Variants in NBEA observed in about 807,000 individuals in gnomAD.
The protein encoded by NBEA is neurobeachin.
A neutral mutation model predicts 343.4 loss-of-function variants in NBEA; 44 were observed. That is an observed-to-expected ratio of 0.13 (90% confidence interval 0.10 to 0.16). The LOEUF is 0.16. Among genes scored for constraint, NBEA ranks in the 10% least tolerant of loss-of-function variants. NBEA has a pLI of 1.00. For missense variants in NBEA, 2,555 were observed against 3,631.3 expected, an observed-to-expected ratio of 0.70 and a Z score of 7.62; for synonymous variants, 1,175 against 1,238.7, an observed-to-expected ratio of 0.95 and a Z score of 1.08.
chr13:35,191,595 G>A (rs1394448078), intron 30 of NBEA, among the ~76,000 whole-genome samples: 5 of 151,754 alleles, frequency 3.3e-5, no homozygotes, highest in Non-Finnish European at 7.4e-5. Flanking sequence ...CCTCTTTGGA[G>A]TTAAGATATT....
chr13:35,302,677 A>G (rs1186803886), intron 35 of NBEA, among the ~76,000 whole-genome samples: 1 of 152,206 alleles, frequency 6.6e-6, no homozygotes, highest in East Asian at 1.9e-4. Flanking sequence ...TATAAAATTT[A>G]AACATTTTTA....
At chr13:35,420,154 A>T (rs554570402) in intron 38 of NBEA, among the ~76,000 whole-genome samples, 1 of 151,916 alleles carries the variant, frequency 6.6e-6, no homozygotes, top group Admixed American at 6.6e-5. Flanking sequence ...AAATTTCAGT[A>T]CTCTGTTGAG....
chr13:35,403,508 G>A (rs184439062), intron 38 of NBEA, among the ~76,000 whole-genome samples: 4,488 of 152,094 alleles, frequency 0.03, 102 homozygotes, highest in Non-Finnish European at 0.045. Context: ...ATGGGGAAAG[G>A]ATTCCCTATT....
chr13:35,411,149 T>TTA, intron 38 of NBEA, among the ~76,000 whole-genome samples: 1 of 152,302 alleles, frequency 6.6e-6, no homozygotes, highest in East Asian at 1.9e-4. Flanking sequence ...TTATCTCCTG[T>TTA]TACAGTTGTT....
intron 33 of NBEA, among the ~76,000 whole-genome samples, chr13:35,221,157 T>G (rs1012750317): frequency 4.6e-5 from 7 of 151,964 alleles, no homozygotes; most frequent in Admixed American, 4.6e-4. Context: ...CAGCCTGACC[T>G]TCATAGTGAA....
At chr13:35,206,461 G>A (rs899434755) in intron 31 of NBEA, among the ~76,000 whole-genome samples, 4 of 151,996 alleles carry the variant, frequency 2.6e-5, no homozygotes, top group African/African-American at 4.8e-5. Context: ...TCTTCAAATC[G>A]ACAGTTGATG....
chr13:35,177,619 T>C (rs2071001244), intron 28 of NBEA, among the ~76,000 whole-genome samples: 1 of 151,844 alleles, frequency 6.6e-6, no homozygotes, highest in Non-Finnish European at 1.5e-5. Flanking sequence ...AGAGGTTTCA[T>C]GGAACCCTCC....
At chr13:35,117,559 TA>T in intron 14 of NBEA, 66 bp downstream of exon 14, 1 of 736,136 alleles carries the variant, frequency 1.4e-6, no homozygotes, top group South Asian at 4.7e-5. Context: ...TGGCATGTTT[TA>T]AAATTATTAA....
chr13:34,961,597 T>C (rs1265697833), intron 1 of NBEA, among the ~76,000 whole-genome samples: 1 of 152,076 alleles, frequency 6.6e-6, no homozygotes, highest in African/African-American at 2.4e-5. Context: ...TATTGATTAC[T>C]TACCGTATGT....
chr13:35,289,109 T>A (rs2152817075), intron 34 of NBEA, among the ~76,000 whole-genome samples: 1 of 151,992 alleles, frequency 6.6e-6, no homozygotes, highest in Non-Finnish European at 1.5e-5. Context: ...CTACCTACAA[T>A]AAATATGCAT....
At chr13:35,415,144 G>A (rs1441123682) in intron 38 of NBEA, among the ~76,000 whole-genome samples, 3 of 152,184 alleles carry the variant, frequency 2.0e-5, no homozygotes, top group Non-Finnish European at 4.4e-5. Context: ...CCCTTTGTCA[G>A]ATGAGTAGAT....
chr13:35,211,139 A>G lies in NBEA; in HGVS notation c.5608A>G (p.Thr1870Ala). 1 of 1,553,908 alleles carries G rather than the reference A, an allele frequency of 6.4e-7. No homozygotes were observed. ...TAGCAAAAACCTTCCAGCTGTACAA[A>G]CTGTTGCTCCAATGCCAGAAGATTC... is the stretch of plus-strand genomic sequence containing the variant. ...ATSKNLPAVQ[T>A]VAPMPEDSAE... The change falls in exon 33 of 59, where the codon ACT becomes GCT. Residue 1870 changes from threonine to alanine, a missense_variant. Thr to Ala is a moderately conservative substitution (Grantham distance 58). Transcript: ENST00000379939.
chr13:35,334,792 CAA>C (rs1443900809), intron 36 of NBEA, among the ~76,000 whole-genome samples: 40 of 152,212 alleles, frequency 2.6e-4, no homozygotes, highest in Non-Finnish European at 2.1e-4. Context: ...ATATTTTCTC[CAA>C]TTTATGGATT....
chr13:35,548,184 T>C (rs2079151932), intron 41 of NBEA, among the ~76,000 whole-genome samples: 1 of 152,164 alleles, frequency 6.6e-6, no homozygotes, highest in Non-Finnish European at 1.5e-5. Flanking sequence ...AGGACACAGG[T>C]TCGTTTTCAC....
chr13:35,157,295 C>T (rs1211647286), intron 21 of NBEA, 25 bp downstream of exon 21: 1 of 1,487,304 alleles, frequency 6.7e-7, no homozygotes, highest in Admixed American at 2.1e-5. Flanking sequence ...AACATTTTAA[C>T]ATCATCAGAG....
At chr13:35,086,418 GACTA>G (rs916207440) in intron 10 of NBEA, among the ~76,000 whole-genome samples, 17 of 151,856 alleles carry the variant, frequency 1.1e-4, no homozygotes, top group African/African-American at 3.9e-4. Flanking sequence ...TGTTTGTACC[GACTA>G]ACTAACCTTT....
intron 47 of NBEA, among the ~76,000 whole-genome samples, chr13:35,598,541 AG>A (rs1354155037): frequency 6.6e-6 from 1 of 152,208 alleles, no homozygotes. Context: ...CATATTCCCA[AG>A]TTGGTACAGC....
Position 35,671,103 on chromosome 13 carries a change from C to G in NBEA, c.*112C>G. ...CTACATCGACCTCCGTTTGTACATT[C>G]CATCACACCCAGCAATAGCTGTACA... On this transcript the variant is annotated 3_prime_UTR_variant, in exon 59 of 59. Transcript: ENST00000379939. 2 of 685,434 alleles carry G rather than the reference C, an allele frequency of 2.9e-6. No individual in the cohort carries two copies. The highest frequency in any genetic ancestry group is 3.6e-5 in the African/African-American group (2 of 56,134). 42.5% of individuals were successfully genotyped at this position (685,434 alleles called of 1,614,324 possible).
intron 34 of NBEA, among the ~76,000 whole-genome samples, chr13:35,243,248 A>G (rs1321397300): frequency 6.6e-6 from 1 of 151,922 alleles, no homozygotes; most frequent in East Asian, 1.9e-4. Flanking sequence ...AATCCACATG[A>G]TAACCACAAA....
Sources: allele counts gnomAD v4.1 joint callset (sites outside exome capture counted in the v4.1 genomes callset), GRCh38; gene constraint gnomAD v4.1.1; transcripts MANE v1.5; gene names NCBI Gene and HGNC (gene_info 2026-07-23, HGNC 2026-07-21).